CDH8: variants seen among roughly 807,000 people sequenced by gnomAD.
CDH8 encodes cadherin 8.
In CDH8, 17 loss-of-function variants were observed where a neutral mutation model predicts 68.1. The observed-to-expected ratio is 0.25, with a 90% CI of 0.17 to 0.37. CDH8 has a LOEUF of 0.37. Ranked by LOEUF, CDH8 falls within the 10% of genes least tolerant of loss-of-function variation. CDH8 has a pLI of 1.00. For missense variants in CDH8, 763 were observed against 999.3 expected, an observed-to-expected ratio of 0.76 and a Z score of 3.19; for synonymous variants, 372 against 365.1, an observed-to-expected ratio of 1.02 and a Z score of -0.21.
chr16:61,651,323 T>A lies in CDH8; in HGVS notation c.*2285A>T, dbSNP rs1465857443. 6.6e-6 allele frequency: 1 copy of A among 152,162 alleles called. No homozygotes were observed. Among genetic ancestry groups the A allele is most frequent in the East Asian group, 1.9e-4 (1 of 5,172 alleles). The allele number at this position is 152,162 out of a possible 1,614,324, so 9.4% of individuals were successfully genotyped here. A position where few individuals can be genotyped will look rare whatever the true frequency, so the allele number is the denominator to read the frequency against. ...TATATTTTAAAGTCATGTTGGACCA[T>A]CCCTTTGACCTCAAGAAAAAGTGTT... is the stretch of plus-strand genomic sequence containing the variant. On this transcript the variant is annotated 3_prime_UTR_variant, in exon 12 of 12. Transcript: ENST00000577390.
intron 2 of CDH8, among the ~76,000 whole-genome samples, chr16:61,919,737 C>T (rs895850409): frequency 7.9e-5 from 12 of 152,012 alleles, no homozygotes; most frequent in African/African-American, 2.9e-4. Context: ...TTGGAAAACA[C>T]TCTGCAGGAT....
chr16:61,853,082 A>T (rs1284366666), intron 4 of CDH8, among the ~76,000 whole-genome samples: 10 of 152,014 alleles, frequency 6.6e-5, no homozygotes, highest in Non-Finnish European at 1.5e-5. Flanking sequence ...AAAAAATATA[A>T]ACAAGTCAAT....
chr16:61,899,943 C>T (rs890069214), intron 3 of CDH8, among the ~76,000 whole-genome samples: 2 of 151,762 alleles, frequency 1.3e-5, no homozygotes, highest in Admixed American at 6.6e-5. Flanking sequence ...CTATACCTGA[C>T]AATGGTCACC....
chr16:61,980,034 T>C (rs1669742342), intron 2 of CDH8, among the ~76,000 whole-genome samples: 1 of 152,060 alleles, frequency 6.6e-6, no homozygotes, highest in Non-Finnish European at 1.5e-5. Context: ...AACTAAAGAA[T>C]AGGAGTGGAA....
At chr16:61,667,768 A>G (rs1184347639) in intron 10 of CDH8, 1 of 152,060 alleles carries the variant, frequency 6.6e-6, no homozygotes, top group Admixed American at 6.6e-5. Flanking sequence ...CTGATTACAT[A>G]TATTTATGAT....
intron 10 of CDH8, among the ~76,000 whole-genome samples, chr16:61,702,684 T>C (rs1964456740): frequency 6.6e-6 from 1 of 152,214 alleles, no homozygotes; most frequent in Non-Finnish European, 1.5e-5. Flanking sequence ...TGACCTATAG[T>C]TTGCAGAAAG....
chr16:61,909,056 G>T (rs1282019427), intron 2 of CDH8, among the ~76,000 whole-genome samples: 3 of 150,950 alleles, frequency 2.0e-5, no homozygotes, highest in Admixed American at 6.6e-5. Flanking sequence ...CAAATGAAAA[G>T]AACATAGTAT....
intron 8 of CDH8, among the ~76,000 whole-genome samples, chr16:61,748,738 C>A (rs1276709622): frequency 6.6e-6 from 1 of 151,942 alleles, no homozygotes; most frequent in East Asian, 1.9e-4. Context: ...CTCCCAATGA[C>A]CAATCCTGTC....
At chr16:61,879,507 A>T in intron 3 of CDH8, among the ~76,000 whole-genome samples, 1 of 152,160 alleles carries the variant, frequency 6.6e-6, no homozygotes, top group Non-Finnish European at 1.5e-5. Context: ...AAGACCCTGA[A>T]ATTGGCTTCA....
chr16:61,990,674 A>G (rs1401193226), intron 2 of CDH8, among the ~76,000 whole-genome samples: 1 of 152,048 alleles, frequency 6.6e-6, no homozygotes, highest in African/African-American at 2.4e-5. Context: ...AAATTAAATA[A>G]TTTAGCCAGT....
chr16:61,997,067 A>T (rs891451512), intron 2 of CDH8, among the ~76,000 whole-genome samples: 2 of 151,974 alleles, frequency 1.3e-5, no homozygotes, highest in Non-Finnish European at 2.9e-5. Context: ...GTGTTTTTTT[A>T]AAAAAGAATA....
intron 2 of CDH8, among the ~76,000 whole-genome samples, chr16:61,922,176 C>T (rs1435889600): frequency 1.3e-5 from 2 of 152,146 alleles, no homozygotes; most frequent in Non-Finnish European, 2.9e-5. Context: ...ACAGATTTTC[C>T]TAATCATAGG....
At chr16:61,921,769 C>T (rs1339867804) in intron 2 of CDH8, among the ~76,000 whole-genome samples, 6 of 152,178 alleles carry the variant, frequency 3.9e-5, no homozygotes, top group Non-Finnish European at 5.9e-5. Context: ...GCATGGCTCA[C>T]GCCTTTAATT....
intron 3 of CDH8, among the ~76,000 whole-genome samples, chr16:61,884,211 G>A (rs770147262): frequency 2.4e-4 from 37 of 152,166 alleles, no homozygotes; most frequent in Admixed American, 5.9e-4. Context: ...GTCCACTTAC[G>A]TGTGGATTCT....
Position 61,653,410 on chromosome 16 carries a change from C to G in CDH8, c.*198G>C. 1.5e-6 allele frequency: 2 copies of G among 1,377,586 alleles called. No individual in the cohort carries two copies. Among genetic ancestry groups the G allele is most frequent in the Non-Finnish European group, 1.9e-6 (2 of 1,070,422 alleles). The allele number at this position is 1,377,586 out of a possible 1,614,324, so 85.3% of individuals were successfully genotyped here. On this transcript the variant is annotated 3_prime_UTR_variant, in exon 12 of 12. Transcript: ENST00000577390. ...CTCCACATACTTAATTCACACTCCA[C>G]AAGATTTATAACCTCCTAACATATA...
intron 10 of CDH8, among the ~76,000 whole-genome samples, chr16:61,672,778 G>C (rs16963798): frequency 6.6e-6 from 1 of 151,806 alleles, no homozygotes; most frequent in South Asian, 2.1e-4. Flanking sequence ...TAAAAGTAAG[G>C]TTCTTCAAGA....
chr16:61,990,885 G>A (rs1371369073), intron 2 of CDH8, among the ~76,000 whole-genome samples: 6 of 149,068 alleles, frequency 4.0e-5, no homozygotes, highest in East Asian at 4.0e-4. Context: ...AGGAAGGAAA[G>A]AAGGAAGGAG....
chr16:61,980,525 T>C lies in CDH8; in HGVS notation c.252+40627A>G, dbSNP rs1416619798. Among the ~76,000 whole-genome samples, 4 of 152,084 alleles carry C rather than the reference T, an allele frequency of 2.6e-5. No individual in the cohort carries two copies. In the East Asian group the frequency reaches 7.7e-4, roughly 29 times the overall value. ...CTTTTAAGGGCCCTGGGAGTATTTA[T>C]AAAGCCCTTAAAATTGGGGTCCCCC... On this transcript the variant is annotated intron_variant, in intron 2 of 11. Transcript: ENST00000577390.
In CDH8 at chr16:61,809,244, C is replaced by T. The variant is rs181000070; in HGVS notation, c.1277+8235G>A. Among the ~76,000 whole-genome samples, 159 of 152,132 alleles carry T rather than the reference C, an allele frequency of 1.0e-3. 2 individuals are homozygous for T. The highest frequency in any genetic ancestry group is 0.01 in the Admixed American group (154 of 15,274). On this transcript the variant is annotated intron_variant, in intron 7 of 11. Transcript: ENST00000577390. ...AAAAAAGTAACAGGCCGTATTTGGC[C>T]CACAGGCTTACCCCTGGCCTAGTGT...
Sources: gnomAD v4.1 joint callset for allele counts (sites outside exome capture counted in the v4.1 genomes callset) on GRCh38, gnomAD v4.1.1 for gene constraint, MANE v1.5 for transcripts, NCBI Gene and HGNC (gene_info 2026-07-23, HGNC 2026-07-21) for gene names.